The following CEMIP variants were observed in gnomAD, a reference collection of about 807,000 sequenced individuals.
CEMIP encodes the protein cell migration inducing hyaluronidase 1, also known as cell migration-inducing and hyaluronan-binding protein.
Under a neutral mutation model 156.9 loss-of-function variants are expected in CEMIP, and 105 were observed. The observed-to-expected ratio is 0.67, with a 90% CI of 0.57 to 0.79. The LOEUF is 0.79. CEMIP is among the 30% of genes least tolerant of loss of function. The pLI, the probability that CEMIP is intolerant of heterozygous loss-of-function variation, is 0.00. For missense variants in CEMIP, 1,457 were observed against 1,769.4 expected (o/e 0.82, Z 3.17); for synonymous variants, 676 against 668.4 (o/e 1.01, Z -0.17).
intron 23 of CEMIP, 110 bp downstream of exon 23, chr15:80,933,570 G>T (rs1232060104): frequency 2.4e-6 from 2 of 825,352 alleles, no homozygotes; most frequent in Admixed American, 3.0e-5. Context: ...AAGAGATACA[G>T]AATTTTTTTT....
chr15:80,937,512 T>A (rs907508941), intron 24 of CEMIP, among the ~76,000 whole-genome samples: 1 of 152,198 alleles, frequency 6.6e-6, no homozygotes, highest in African/African-American at 2.4e-5. Context: ...GAAAAGAATG[T>A]CTTTTTCCCA....
At chr15:80,872,158 C>A (rs1349724498) in intron 1 of CEMIP, among the ~76,000 whole-genome samples, 1 of 152,236 alleles carries the variant, frequency 6.6e-6, no homozygotes, top group Admixed American at 6.5e-5. Context: ...GGTGACCAGA[C>A]TTTTCGCTAA....
chr15:80,921,582 C>T (rs1900472401), intron 16 of CEMIP, among the ~76,000 whole-genome samples: 1 of 152,148 alleles, frequency 6.6e-6, no homozygotes, highest in Non-Finnish European at 1.5e-5. Context: ...GCACTCCATC[C>T]ACACAGCCCT....
At chr15:80,785,973 T>TAA (rs1379592252) in intron 1 of CEMIP, among the ~76,000 whole-genome samples, 4 of 152,226 alleles carry the variant, frequency 2.6e-5, no homozygotes, top group African/African-American at 9.6e-5. Context: ...TCTTCTAGAC[T>TAA]AGTAATTTAA....
chr15:80,928,824 G>A, intron 19 of CEMIP, 78 bp from the exon 20 acceptor site: 1 of 1,572,714 alleles, frequency 6.4e-7, no homozygotes, highest in Non-Finnish European at 8.7e-7. Flanking sequence ...CAAGGGCAGG[G>A]AAGTGTCCTT....
chr15:80,916,179 C>G (rs923353891), intron 14 of CEMIP, among the ~76,000 whole-genome samples: 1 of 152,218 alleles, frequency 6.6e-6, no homozygotes, highest in African/African-American at 2.4e-5. Context: ...GTTGTCCCAG[C>G]TTAACTACTA....
intron 18 of CEMIP, 80 bp from the exon 19 acceptor site, chr15:80,925,544 G>C: frequency 6.4e-7 from 1 of 1,574,014 alleles, no homozygotes; most frequent in Non-Finnish European, 8.6e-7. Flanking sequence ...GTAGAGAGAG[G>C]CTCACAGAGC....
intron 1 of CEMIP, among the ~76,000 whole-genome samples, chr15:80,792,747 T>C (rs1896113479): frequency 6.6e-6 from 1 of 152,138 alleles, no homozygotes; most frequent in African/African-American, 2.4e-5. Context: ...AGAACAAGAA[T>C]CTGAATGGCC....
intron 28 of CEMIP, among the ~76,000 whole-genome samples, chr15:80,945,944 A>G (rs969002355): frequency 6.6e-6 from 1 of 152,226 alleles, no homozygotes; most frequent in Admixed American, 6.5e-5. Context: ...TGGGACCTTC[A>G]GGCTGGGTGC....
rs900468952 is a variant in CEMIP, at chr15:80,873,602, C to T, written c.-111C>T. ...CAAGGATGAAATTCCACCCATCACT[C>T]GGTCTCTGAGCTGCAGGACACAGGC... On this transcript the variant is annotated 5_prime_UTR_variant, in exon 2 of 30. Coordinates refer to ENST00000394685, the MANE Select transcript of CEMIP (RefSeq NM_001293298.2). The T allele has an allele frequency of 4.0e-5, 18 of 453,946 alleles. No individual in the cohort carries two copies. Among genetic ancestry groups the T allele is most frequent in the Non-Finnish European group, 6.1e-5 (15 of 246,004 alleles). The allele number at this position is 453,946 out of a possible 1,614,324, so 28.1% of individuals were successfully genotyped here.
At chr15:80,910,695 G>T (rs1478640149) in intron 14 of CEMIP, among the ~76,000 whole-genome samples, 2 of 152,228 alleles carry the variant, frequency 1.3e-5, no homozygotes, top group African/African-American at 2.4e-5. Context: ...CCTTGGGCAA[G>T]TAGCTTAACC....
rs557407467 is a variant in CEMIP at position 80,804,936 on chromosome 15, G to A, written c.-176+25322G>A. On this transcript the variant is annotated intron_variant, in intron 1 of 29. Transcript: ENST00000394685. The stretch of plus-strand genomic sequence containing the variant: ...TTCATCGCTCATGTAGAAGGTAGCC[G>A]GGCCTGAATTTCTAGAAGATCCAAA... 9.2e-5 allele frequency among the ~76,000 whole-genome samples: 14 copies of A among 152,190 alleles called. No individual in the cohort carries two copies. The South Asian group carries it at 2.5e-3, about 27-fold the overall frequency.
chr15:80,935,640 C>A (rs920178561), intron 23 of CEMIP, among the ~76,000 whole-genome samples: 1 of 152,188 alleles, frequency 6.6e-6, no homozygotes, highest in Admixed American at 6.5e-5. Flanking sequence ...CATCATTGCA[C>A]GTTGGTGTGA....
chr15:80,800,327 G>C (rs759300448), intron 1 of CEMIP, among the ~76,000 whole-genome samples: 2 of 151,928 alleles, frequency 1.3e-5, no homozygotes, highest in Non-Finnish European at 2.9e-5. Flanking sequence ...TGGGACTGCC[G>C]AGAGAGCAGG....
At chr15:80,944,697 T>C (rs1716199085) in intron 28 of CEMIP, among the ~76,000 whole-genome samples, 1 of 152,226 alleles carries the variant, frequency 6.6e-6, no homozygotes, top group Non-Finnish European at 1.5e-5. Flanking sequence ...ATTTTTCATA[T>C]GCAGATTCAG....
At chr15:80,785,506 G>A (rs1895911579) in intron 1 of CEMIP, among the ~76,000 whole-genome samples, 1 of 152,174 alleles carries the variant, frequency 6.6e-6, no homozygotes. Flanking sequence ...GGCAGGCCCT[G>A]AATGAGTCAC....
In CEMIP at chr15:80,919,685, T is replaced by C. The variant is rs140904731; in HGVS notation, c.1798-409T>C. On this transcript the variant is annotated intron_variant, in intron 14 of 29. Transcript: ENST00000394685. ...AGAAAATTAGCTGGGTGTGGGGGCG[T>C]GTGCCTATAGTCCCAGCTACTCGGG... 7.3e-3 allele frequency among the ~76,000 whole-genome samples: 1,113 copies of C among 152,138 alleles called. 12 individuals are homozygous for C. Among genetic ancestry groups the C allele is most frequent in the African/African-American group, 0.026 (1,061 of 41,482 alleles).
At chr15:80,861,518 G>A (rs1897987431) in intron 1 of CEMIP, among the ~76,000 whole-genome samples, 1 of 152,282 alleles carries the variant, frequency 6.6e-6, no homozygotes, top group South Asian at 2.1e-4. Context: ...CTGGGACTAT[G>A]AGCCTCCCTT....
intron 1 of CEMIP, among the ~76,000 whole-genome samples, chr15:80,790,596 A>G (rs1896056954): frequency 6.6e-6 from 1 of 152,196 alleles, no homozygotes; most frequent in African/African-American, 2.4e-5. Flanking sequence ...CACTCGGCTC[A>G]AGGTGGTGGA....
Sources: gnomAD v4.1 joint callset for allele counts (sites outside exome capture counted in the v4.1 genomes callset) on GRCh38, gnomAD v4.1.1 for gene constraint, MANE v1.5 for transcripts, NCBI Gene and HGNC (gene_info 2026-07-23, HGNC 2026-07-21) for gene names.